The following LRRTM4 variants were observed in gnomAD, a reference collection of about 807,000 sequenced individuals.
LRRTM4 encodes the protein leucine rich repeat transmembrane neuronal 4.
In LRRTM4, 25 loss-of-function variants were observed where a neutral mutation model predicts 47.6. That is an observed-to-expected ratio of 0.53 (90% CI 0.38 to 0.73). The LOEUF (loss-of-function observed/expected upper bound fraction) is 0.73. Among genes scored for constraint, LRRTM4 ranks in the 30% least tolerant of loss-of-function variants. LRRTM4 has a pLI of 0.00. For missense variants in LRRTM4, 638 were observed against 713.4 expected (o/e 0.89, Z 1.20); for synonymous variants, 311 against 269.5 (o/e 1.15, Z -1.51).
At chr2:77,282,218 T>C (rs1263572822) in intron 3 of LRRTM4, among the ~76,000 whole-genome samples, 2 of 151,912 alleles carry the variant, frequency 1.3e-5, no homozygotes, top group Non-Finnish European at 2.9e-5. Flanking sequence ...TGGAATTGCA[T>C]ACTTGATTTA....
chr2:77,231,585 A>G (rs1280286873), intron 3 of LRRTM4, among the ~76,000 whole-genome samples: 5 of 152,252 alleles, frequency 3.3e-5, no homozygotes, highest in East Asian at 1.9e-4. Flanking sequence ...AACAGTTATT[A>G]TCTGGTAATT....
chr2:77,191,051 A>G (rs1245415365), intron 3 of LRRTM4, among the ~76,000 whole-genome samples: 1 of 152,188 alleles, frequency 6.6e-6, no homozygotes, highest in Non-Finnish European at 1.5e-5. Flanking sequence ...TAATATAATT[A>G]TAGCAAACTT....
chr2:76,815,403 C>T (rs1024719593), intron 3 of LRRTM4, among the ~76,000 whole-genome samples: 1 of 152,086 alleles, frequency 6.6e-6, no homozygotes, highest in Non-Finnish European at 1.5e-5. Context: ...GCATTTGTCT[C>T]TCCACTGTGC....
chr2:77,346,976 C>T (rs906877769), intron 3 of LRRTM4, among the ~76,000 whole-genome samples: 1 of 152,144 alleles, frequency 6.6e-6, no homozygotes, highest in Non-Finnish European at 1.5e-5. Flanking sequence ...TCTGCACTCC[C>T]TCTTCCCTGC....
At chr2:77,070,616 A>AT (rs892890918) in intron 3 of LRRTM4, among the ~76,000 whole-genome samples, 21 of 151,742 alleles carry the variant, frequency 1.4e-4, no homozygotes, top group African/African-American at 4.6e-4. Flanking sequence ...TATAAAGTTG[A>AT]TTTTTTTGTT....
chr2:77,388,022 T>G (rs1405727965), intron 3 of LRRTM4, among the ~76,000 whole-genome samples: 1 of 152,110 alleles, frequency 6.6e-6, no homozygotes, highest in Admixed American at 6.6e-5. Context: ...ACTCCTTTGA[T>G]GCAGGCTTCA....
intron 3 of LRRTM4, among the ~76,000 whole-genome samples, chr2:76,794,465 T>G (rs1675153111): frequency 6.6e-6 from 1 of 152,186 alleles, no homozygotes; most frequent in South Asian, 2.1e-4. Flanking sequence ...ACAATAGTTT[T>G]TTCTTTCTTT....
chr2:77,277,343 AAAT>A (rs1676389326), intron 3 of LRRTM4, among the ~76,000 whole-genome samples: 1 of 152,062 alleles, frequency 6.6e-6, no homozygotes, highest in South Asian at 2.1e-4. Context: ...ATCAAATAGA[AAAT>A]AATCATTTGC....
chr2:77,362,135 A>AAGAAAGAAAGAC lies in LRRTM4; in HGVS notation c.1551+156182_1551+156183insGTCTTTCTTTCT, dbSNP rs70939856. ...AAAGAGAGAAAGAAAGAAAGAAAGA[A>AAGAAAGAAAGAC]AGAAAGAAAGAAAGAAAGAAAGAAA... On this transcript the variant is annotated intron_variant, in intron 3 of 3. Transcript: ENST00000409884. Among the ~76,000 whole-genome samples, 18 of 129,070 alleles carry AAGAAAGAAAGAC rather than the reference A, an allele frequency of 1.4e-4. No homozygotes were observed. The East Asian group carries it at 5.6e-3, about 40-fold the overall frequency. 84.7% of individuals were successfully genotyped at this position (129,070 alleles called of 152,430 possible).
At chr2:76,999,445 A>G (rs1402064129) in intron 3 of LRRTM4, among the ~76,000 whole-genome samples, 1 of 131,314 alleles carries the variant, frequency 7.6e-6, no homozygotes, top group Non-Finnish European at 1.5e-5. Flanking sequence ...AAAAGGAAAC[A>G]AAACAAAAAA....
intron 3 of LRRTM4, among the ~76,000 whole-genome samples, chr2:76,854,875 T>G (rs1672103411): frequency 7.0e-6 from 1 of 143,378 alleles, no homozygotes; most frequent in East Asian, 2.1e-4. Context: ...ACAATCAACA[T>G]AACAGATAAC....
Position 77,522,097 on chromosome 2 carries a change from T to A in LRRTM4, c.-148+12A>T, listed in dbSNP as rs1188297266. The A allele has an allele frequency of 2.8e-6, 2 of 715,742 alleles. No homozygotes were observed. The highest frequency in any genetic ancestry group is 1.8e-5 in the African/African-American group (1 of 57,056). The allele number at this position is 715,742 out of a possible 1,614,324, so 44.3% of individuals were successfully genotyped here. A position where few individuals can be genotyped will look rare whatever the true frequency, so the allele number is the denominator to read the frequency against. ...GTAAAAAGAGAGGAAAAAAAGAAAA[T>A]CTTCAGAATACCTGGCATTCCTTAT... On this transcript the variant is annotated intron_variant, in intron 1 of 3. Transcript: ENST00000409884.
chr2:76,773,522 A>G (rs550350174), intron 3 of LRRTM4, among the ~76,000 whole-genome samples: 68 of 152,300 alleles, frequency 4.5e-4, no homozygotes, highest in South Asian at 1.9e-3. Context: ...ATGATTTCAT[A>G]TAGTAAAGTG....
At chr2:77,193,166 C>A (rs1188604261) in intron 3 of LRRTM4, among the ~76,000 whole-genome samples, 1 of 152,110 alleles carries the variant, frequency 6.6e-6, no homozygotes, top group African/African-American at 2.4e-5. Context: ...GTATTTAATA[C>A]AGTAACAGGC....
At chr2:77,403,087 CA>C (rs1466592160) in intron 3 of LRRTM4, among the ~76,000 whole-genome samples, 1 of 151,856 alleles carries the variant, frequency 6.6e-6, no homozygotes, top group Non-Finnish European at 1.5e-5. Flanking sequence ...TTCTGAAATA[CA>C]AACCTAATTA....
intron 3 of LRRTM4, among the ~76,000 whole-genome samples, chr2:77,444,950 TAC>T (rs61072638): frequency 2.3e-4 from 25 of 110,470 alleles, no homozygotes; most frequent in Non-Finnish European, 4.0e-4. Context: ...CACACACACA[TAC>T]ACACACACAC....
intron 3 of LRRTM4, among the ~76,000 whole-genome samples, chr2:76,987,251 C>T (rs1676833479): frequency 6.6e-6 from 1 of 151,786 alleles, no homozygotes; most frequent in East Asian, 1.9e-4. Flanking sequence ...AGCCAGAATG[C>T]TAGCACTTAT....
intron 3 of LRRTM4, among the ~76,000 whole-genome samples, chr2:77,058,516 A>G (rs1158068054): frequency 6.6e-6 from 1 of 151,130 alleles, no homozygotes; most frequent in East Asian, 1.9e-4. Flanking sequence ...TCTTTCTTCC[A>G]CACTCAGTAT....
intron 3 of LRRTM4, among the ~76,000 whole-genome samples, chr2:77,198,789 G>A (rs1314691649): frequency 4.6e-5 from 7 of 152,136 alleles, no homozygotes; most frequent in Non-Finnish European, 4.4e-5. Context: ...TGCTAATGTA[G>A]TCCTCCTTGC....
Sources: gnomAD v4.1 joint callset for allele counts (sites outside exome capture counted in the v4.1 genomes callset) on GRCh38, gnomAD v4.1.1 for gene constraint, MANE v1.5 for transcripts, NCBI Gene and HGNC (gene_info 2026-07-23, HGNC 2026-07-21) for gene names.